Variants in TIAL1 observed in about 807,000 individuals in gnomAD.
TIAL1 encodes the protein TIA1 cytotoxic granule associated RNA binding protein like 1.
Under a neutral mutation model 59.7 loss-of-function variants are expected in TIAL1, and 7 were observed. That is an observed-to-expected ratio of 0.12 (90% confidence interval 0.07 to 0.22). TIAL1 has a LOEUF of 0.22. TIAL1 is among the 10% of genes least tolerant of loss of function. The pLI is 1.00. For synonymous variants in TIAL1, 149 were observed against 146.3 expected, an observed-to-expected ratio of 1.02 and a Z score of -0.13; for missense variants, 225 against 462.5, an observed-to-expected ratio of 0.49 and a Z score of 4.71.
chr10:119,575,813 C>T, intron 11 of TIAL1, 22 bp from the exon 12 acceptor site: 3 of 1,514,366 alleles, frequency 2.0e-6, no homozygotes, highest in Non-Finnish European at 2.6e-6. Context: ...AAGAAAAAAT[C>T]TTCAGCAAAC....
At chr10:119,587,950 G>A (rs962026313) in intron 2 of TIAL1, among the ~76,000 whole-genome samples, 9 of 152,316 alleles carry the variant, frequency 5.9e-5, no homozygotes, top group Non-Finnish European at 7.4e-5. Context: ...AAGAATGACC[G>A]TTTGAGCTTA....
At chr10:119,578,252 A>G (rs906808630) in intron 7 of TIAL1, among the ~76,000 whole-genome samples, 37 of 129,654 alleles carry the variant, frequency 2.9e-4, no homozygotes, top group Admixed American at 2.4e-4. Context: ...AAAAAAAAAG[A>G]TATGCCTCAA....
chr10:119,582,611 G>A lies in TIAL1; in HGVS notation c.130-54C>T, dbSNP rs1272068356. On this transcript the variant is annotated intron_variant, in intron 2 of 11. Transcript: ENST00000436547. This position sits in a 1 kb window ranked among gnomAD's most constrained non-coding sequence, Gnocchi z 5.1. ...TTGACCCTTCTGCTATCGGGTTGCTGAGAAGAAAATCCAGGAAAAAACATT... is the reference window on the plus strand; with the variant it reads ...TTGACCCTTCTGCTATCGGGTTGCTAAGAAGAAAATCCAGGAAAAAACATT... 1.3e-6 allele frequency: 2 copies of A among 1,593,692 alleles called. No homozygotes were observed. The highest frequency in any genetic ancestry group is 1.7e-6 in the Non-Finnish European group (2 of 1,173,220).
chr10:119,578,689 GAATAT>G (rs763912350), intron 7 of TIAL1, 32 bp downstream of exon 7: 1 of 1,482,234 alleles, frequency 6.7e-7, no homozygotes, highest in Non-Finnish European at 9.4e-7. Flanking sequence ...ATTTTGTGAA[GAATAT>G]AATTTTAACA....
Position 119,577,207 on chromosome 10 carries a change from A to G in TIAL1, c.738-4T>C. The G allele has an allele frequency of 6.3e-7, 1 of 1,592,324 alleles. No individual in the cohort carries two copies. Among genetic ancestry groups the G allele is most frequent in the Non-Finnish European group, 8.5e-7 (1 of 1,174,272 alleles). On this transcript the variant is annotated splice_polypyrimidine_tract_variant and splice_region_variant and intron_variant, in intron 9 of 11. Transcript: ENST00000436547. ...TGCACTTTCATGGGTTGAAAATCTA[A>G]GAAAGAAAAATGATATGGTTTTGTC...
chr10:119,593,616 G>T, intron 1 of TIAL1: 2 of 400,036 alleles, frequency 5.0e-6, no homozygotes, highest in Non-Finnish European at 6.8e-6. Context: ...CTGGCCACTT[G>T]AAAAACCTAA....
chr10:119,584,392 A>G (rs902091910), intron 2 of TIAL1, among the ~76,000 whole-genome samples: 1 of 152,166 alleles, frequency 6.6e-6, no homozygotes, highest in Non-Finnish European at 1.5e-5. Flanking sequence ...GTAAAAAAAA[A>G]ATCATAAAAC....
intron 5 of TIAL1, chr10:119,580,548 T>C: frequency 2.0e-6 from 2 of 1,003,664 alleles, no homozygotes; most frequent in Non-Finnish European, 2.4e-6. Flanking sequence ...GCTGTAAATT[T>C]TGAAAAATTG....
chr10:119,576,571 A>T (rs1173309704), intron 11 of TIAL1, 40 bp downstream of exon 11: 1 of 1,604,668 alleles, frequency 6.2e-7, no homozygotes, highest in Admixed American at 1.7e-5. Context: ...ATTTTGTCAG[A>T]ACCATACGTT....
chr10:119,595,712 A>G (rs1846139727), intron 1 of TIAL1, among the ~76,000 whole-genome samples: 1 of 152,230 alleles, frequency 6.6e-6, no homozygotes, highest in Admixed American at 6.5e-5. Context: ...GGCAACACCT[A>G]GAGAGCAAAA....
chr10:119,587,385 T>TC (rs1321857649), intron 2 of TIAL1, among the ~76,000 whole-genome samples: 1 of 152,242 alleles, frequency 6.6e-6, no homozygotes, highest in African/African-American at 2.4e-5. Context: ...TTTCAAGGTT[T>TC]CCGCCTAGGC....
intron 1 of TIAL1, among the ~76,000 whole-genome samples, chr10:119,590,831 GTGATCTTGAGCTTCTAAACATTA>G (rs1845847826): frequency 7.2e-6 from 1 of 138,718 alleles, no homozygotes; most frequent in Non-Finnish European, 1.6e-5. Flanking sequence ...AAACGAACAA[GTGATCTTGAGCTTCTAAACATTA>G]TGCTCCTTGC....
chr10:119,580,212 A>G, intron 5 of TIAL1: 1 of 480,440 alleles, frequency 2.1e-6, no homozygotes, highest in Non-Finnish European at 3.6e-6. Context: ...TGTAATAAAC[A>G]TGCAACCTAA....
Position 119,582,054 on chromosome 10 carries a change from A to T in TIAL1, c.284-45T>A. 1 of 1,607,608 alleles carries T rather than the reference A, an allele frequency of 6.2e-7. No homozygotes were observed. The highest frequency in any genetic ancestry group is 8.5e-7 in the Non-Finnish European group (1 of 1,174,790). On this transcript the variant is annotated intron_variant, in intron 4 of 11. Transcript: ENST00000436547. The surrounding 1 kb of genome is among the most constrained non-coding windows in gnomAD (Gnocchi z 5.1). ...TAATCAAATACTTAAGAAGTCAGCC[A>T]CTAAAACCTTTTTAAGGCAACTCTA...
chr10:119,575,906 AC>A, intron 11 of TIAL1, 115 bp from the exon 12 acceptor site: 1 of 955,032 alleles, frequency 1.0e-6, no homozygotes, highest in Non-Finnish European at 1.5e-6. Flanking sequence ...AAATCAACAC[AC>A]CTACAACAAA....
At chr10:119,584,041 A>C (rs1359605288) in intron 2 of TIAL1, among the ~76,000 whole-genome samples, 1 of 152,188 alleles carries the variant, frequency 6.6e-6, no homozygotes, top group Non-Finnish European at 1.5e-5. Context: ...AACACTGATA[A>C]TCACAGCAAA....
rs5788360 is a variant in TIAL1, at chr10:119,574,586, C to CAAAAAAAAAAAAAAAAAAA, written c.*1060_*1078dup. 3.5e-4 allele frequency: 30 copies of CAAAAAAAAAAAAAAAAAAA among 86,566 alleles called. No homozygotes were observed. The highest frequency in any genetic ancestry group is 6.0e-4 in the African/African-American group (14 of 23,316). 5.4% of individuals were successfully genotyped at this position (86,566 alleles called of 1,614,324 possible). A position where few individuals can be genotyped will look rare whatever the true frequency, so the allele number is the denominator to read the frequency against. On this transcript the variant is annotated 3_prime_UTR_variant, in exon 12 of 12. Coordinates refer to ENST00000436547, the MANE Select transcript of TIAL1 (RefSeq NM_003252.4). ...TATTTACATACCAAGTAATGTAAAG[C>CAAAAAAAAAAAAAAAAAAA]AAAAAAAAAAAAAAAAAAAAACAAA...
At position 119,574,599 on chromosome 10, in the gene TIAL1, A is replaced by AAAC. The variant is rs1554862520; in HGVS notation, c.*1065_*1066insGTT. ...AGTAATGTAAAGCAAAAAAAAAAAA[A>AAAC]AAAAAAAACAAAAACAAAAAACTAA... is the stretch of plus-strand genomic sequence containing the variant. On this transcript the variant is annotated 3_prime_UTR_variant, in exon 12 of 12. Coordinates refer to ENST00000436547, the MANE Select transcript of TIAL1 (RefSeq NM_003252.4). 1 of 150,474 alleles carries AAAC rather than the reference A, an allele frequency of 6.6e-6. No individual in the cohort carries two copies. Among genetic ancestry groups the AAAC allele is most frequent in the African/African-American group, 2.5e-5 (1 of 40,566 alleles). 9.3% of individuals were successfully genotyped at this position (150,474 alleles called of 1,614,324 possible). A position where few individuals can be genotyped will look rare whatever the true frequency, so the allele number is the denominator to read the frequency against.
chr10:119,578,959 A>C (rs1293503591), intron 6 of TIAL1, 125 bp from the exon 7 acceptor site: 1 of 684,998 alleles, frequency 1.5e-6, no homozygotes, highest in Admixed American at 2.7e-5. Context: ...TAAATATCCT[A>C]AACAAAACGA....
Sources: gnomAD v4.1 joint callset for allele counts (sites outside exome capture counted in the v4.1 genomes callset) on GRCh38, gnomAD v4.1.1 for gene constraint, Gnocchi (gnomAD v3.1) non-coding constraint, MANE v1.5 for transcripts, NCBI Gene and HGNC (gene_info 2026-07-23, HGNC 2026-07-21) for gene names.